Variants in EIF3G observed in about 807,000 individuals in gnomAD.
EIF3G encodes eukaryotic translation initiation factor 3 RNA-binding subunit.
EIF3G carries 10 observed loss-of-function variants against 41.7 expected under a neutral mutation model. That is an observed-to-expected ratio of 0.24 (90% CI 0.15 to 0.41). EIF3G has a LOEUF of 0.41. Ranked by LOEUF, EIF3G falls within the 10% of genes least tolerant of loss-of-function variation. The pLI is 1.00. For missense variants in EIF3G, 297 were observed against 444.0 expected (o/e 0.67, Z 2.98); for synonymous variants, 204 against 172.5 (o/e 1.18, Z -1.43).
rs748692355 is a variant in EIF3G, at chr19:10,119,892, G to T, written c.-33C>A. 3.7e-6 allele frequency: 6 copies of T among 1,614,062 alleles called. No individual in the cohort carries two copies. Among genetic ancestry groups the T allele is most frequent in the Non-Finnish European group, 5.1e-6 (6 of 1,180,040 alleles). On this transcript the variant is annotated 5_prime_UTR_variant, in exon 1 of 11. Coordinates refer to ENST00000253108, the MANE Select transcript of EIF3G (RefSeq NM_003755.5). Reference sequence around the variant, plus strand: ...AGTATTCTCCACGCAGCCCAAGCCCGGCCAGAGAGCGGAAGCGGGCGAAAA... The same window carrying T: ...AGTATTCTCCACGCAGCCCAAGCCCTGCCAGAGAGCGGAAGCGGGCGAAAA...
In EIF3G at chr19:10,115,662, C is replaced by CCGTG. The variant is rs760753735; in HGVS notation, c.840+18_840+21dup. Reference sequence around the variant, plus strand: ...GACAAGTGACCCTCACACAGCCCCACCGTGCCTGCCTGCCTGCCCACCTTG... The same window carrying CCGTG: ...GACAAGTGACCCTCACACAGCCCCACCGTGCGTGCCTGCCTGCCTGCCCACCTTG... On this transcript the variant is annotated intron_variant, in intron 9 of 10. Transcript: ENST00000253108. 82 of 1,589,772 alleles carry CCGTG rather than the reference C, an allele frequency of 5.2e-5. No homozygotes were observed. In the South Asian group the frequency reaches 8.3e-4, roughly 16 times the overall value.
In EIF3G at chr19:10,116,543, A is replaced by T; in HGVS notation, c.595+257T>A. 1 of 520,688 alleles carries T rather than the reference A, an allele frequency of 1.9e-6. No homozygotes were observed. The highest frequency in any genetic ancestry group is 3.4e-5 in the Admixed American group (1 of 29,846). 32.3% of individuals were successfully genotyped at this position (520,688 alleles called of 1,614,324 possible). A position where few individuals can be genotyped will look rare whatever the true frequency, so the allele number is the denominator to read the frequency against. On this transcript the variant is annotated intron_variant, in intron 7 of 10. Transcript: ENST00000253108. This position sits in a 1 kb window ranked among gnomAD's most constrained non-coding sequence, Gnocchi z 4.1. ...GCACACACGATGTGGGGTGGTCAGC[A>T]CCCTGGGGCCGACAGACAGCAGCTC...
Position 10,116,429 on chromosome 19 carries a change from C to T in EIF3G, c.596-355G>A. 2.1e-6 allele frequency: 1 copy of T among 486,432 alleles called. No homozygotes were observed. The highest frequency in any genetic ancestry group is 2.5e-5 in the South Asian group (1 of 39,730). The allele number at this position is 486,432 out of a possible 1,614,324, so 30.1% of individuals were successfully genotyped here. On this transcript the variant is annotated intron_variant, in intron 7 of 10. Transcript: ENST00000253108. This position sits in a 1 kb window ranked among gnomAD's most constrained non-coding sequence, Gnocchi z 4.1. The stretch of plus-strand genomic sequence containing the variant: ...GTGGCAGGCGACAAGTGCACGTCTG[C>T]ACTCTCACACTCGCCACCAGCAAAT...
At chr19:10,117,060 G>A (rs369083840) in intron 6 of EIF3G, 24 bp downstream of exon 6, 1 of 1,609,976 alleles carries the variant, frequency 6.2e-7, no homozygotes, top group African/African-American at 1.3e-5. Context: ...CAGGATGCCA[G>A]CCCCACCTGA....
Position 10,119,223 on chromosome 19 carries a change from C to T in EIF3G, c.68-52G>A. 3 of 1,539,688 alleles carry T rather than the reference C, an allele frequency of 1.9e-6. No individual in the cohort carries two copies. The South Asian group carries it at 3.6e-5, about 18-fold the overall frequency. ...AGTCAGCTCCAGGGGCAGGAGCTCC[C>T]CAGCTGCGATGGAAGGGCTTTTGGG... On this transcript the variant is annotated intron_variant, in intron 2 of 10. Coordinates refer to ENST00000253108, the MANE Select transcript of EIF3G (RefSeq NM_003755.5).
rs943784274 is a variant in EIF3G, at chr19:10,116,290, G to C, written c.596-216C>G. 5.0e-6 allele frequency: 3 copies of C among 595,788 alleles called. No homozygotes were observed. Among genetic ancestry groups the C allele is most frequent in the Non-Finnish European group, 6.0e-6 (2 of 335,580 alleles). The allele number at this position is 595,788 out of a possible 1,614,324, so 36.9% of individuals were successfully genotyped here. A position where few individuals can be genotyped will look rare whatever the true frequency, so the allele number is the denominator to read the frequency against. On this transcript the variant is annotated intron_variant, in intron 7 of 10. Coordinates refer to ENST00000253108, the MANE Select transcript of EIF3G (RefSeq NM_003755.5). The surrounding 1 kb of genome is among the most constrained non-coding windows in gnomAD (Gnocchi z 4.1). ...GACACTGGTGGAGGAGGAGGAGGAG[G>C]AGCCCCGACCCCACCCCAGAGAGGG...
intron 10 of EIF3G, 50 bp from the exon 11 acceptor site, chr19:10,115,179 A>G (rs1398120312): frequency 6.2e-7 from 1 of 1,606,458 alleles, no homozygotes; most frequent in African/African-American, 1.3e-5. Flanking sequence ...GCACCCCAAG[A>G]CCCCAGACAC....
At chr19:10,118,012 A>G (rs2089274101) in intron 5 of EIF3G, 2 of 152,366 alleles carry the variant, frequency 1.3e-5, no homozygotes, top group African/African-American at 4.8e-5. Context: ...TGATCGTGCC[A>G]CTGTACTCCA....
intron 2 of EIF3G, 127 bp downstream of exon 2, chr19:10,119,527 G>T: frequency 7.8e-7 from 1 of 1,280,026 alleles, no homozygotes; most frequent in Non-Finnish European, 1.1e-6. Context: ...CGGGTCCCAA[G>T]GAGGATGGCG....
chr19:10,119,580 G>A, intron 2 of EIF3G, 74 bp downstream of exon 2: 2 of 1,516,552 alleles, frequency 1.3e-6, no homozygotes, highest in South Asian at 1.3e-5. Flanking sequence ...GTGCCAGACT[G>A]GGAGATGGAA....
Position 10,115,343 on chromosome 19 carries a change from A to C in EIF3G, c.947+136T>G, listed in dbSNP as rs530231963. 6.3e-4 allele frequency: 764 copies of C among 1,206,100 alleles called. 3 individuals carry two copies. The Middle Eastern group carries it at 0.014, about 22-fold the overall frequency. The allele number at this position is 1,206,100 out of a possible 1,614,324, so 74.7% of individuals were successfully genotyped here. On this transcript the variant is annotated intron_variant, in intron 10 of 10. Transcript: ENST00000253108. The stretch of plus-strand genomic sequence containing the variant: ...CACCCCTCTGCCCGGTTTTGGAAAA[A>C]AACAATAAAGGACTGTCCCCTCAAA...
Position 10,119,769 on chromosome 19 carries a change from C to A in EIF3G, c.21-69G>T, listed in dbSNP as rs1240906351. On this transcript the variant is annotated intron_variant, in intron 1 of 10. Coordinates refer to ENST00000253108, the MANE Select transcript of EIF3G (RefSeq NM_003755.5). The stretch of plus-strand genomic sequence containing the variant: ...GCCCGGCTCCCGCAGCCTCGGCGTA[C>A]CCAGGCCCCATAATACTTCCCAGAG... 1.9e-6 allele frequency: 3 copies of A among 1,613,882 alleles called. No homozygotes were observed. In the African/African-American group the frequency reaches 4.0e-5, roughly 22 times the overall value.
chr19:10,119,061 AC>A, intron 3 of EIF3G, 26 bp downstream of exon 3: 1 of 524,728 alleles, frequency 1.9e-6, no homozygotes, highest in Non-Finnish European at 2.7e-6. Context: ...GGCAGTCCTC[AC>A]TCACCTCCCG....
chr19:10,115,765 G>T lies in EIF3G; in HGVS notation c.759C>A (p.Thr253=). The change falls in exon 9 of 11, where the codon ACC becomes ACA. Residue 253 remains threonine, a synonymous_variant. Coordinates refer to ENST00000253108, the MANE Select transcript of EIF3G (RefSeq NM_003755.5). ...VTNLSEDTRE[T]DLQELFRPFG... is the part of the protein sequence containing the mutation. ...AAGGCCGGAAGAGCTCCTGCAGGTC[G>T]GTCTCACGCGTGTCCTCTGACAAGT... 1 of 1,614,108 alleles carries T rather than the reference G, an allele frequency of 6.2e-7. No homozygotes were observed. Among genetic ancestry groups the T allele is most frequent in the Non-Finnish European group, 8.5e-7 (1 of 1,180,032 alleles).
rs2089232295 is a variant in EIF3G at position 10,115,674 on chromosome 19, GCC to G, written c.840+8_840+9del. 5.6e-6 allele frequency: 9 copies of G among 1,613,968 alleles called. No individual in the cohort carries two copies. The Admixed American group carries it at 1.2e-4, about 21-fold the overall frequency. On this transcript the variant is annotated splice_region_variant and intron_variant, in intron 9 of 10. Coordinates refer to ENST00000253108, the MANE Select transcript of EIF3G (RefSeq NM_003755.5). ...TCACACAGCCCCACCGTGCCTGCCT[GCC>G]TGCCCACCTTGGATTGGCCAGTGGT... is the stretch of plus-strand genomic sequence containing the variant.
In EIF3G at chr19:10,115,068, C is replaced by G. The variant is rs760709863; in HGVS notation, c.*46G>C. Reference sequence around the variant, plus strand: ...TGGAGCCCGCGCTCTCGGAGGCTGTCTTCTGTCGCCAAGGGTCCCGGACCG... The same window carrying G: ...TGGAGCCCGCGCTCTCGGAGGCTGTGTTCTGTCGCCAAGGGTCCCGGACCG... On this transcript the variant is annotated 3_prime_UTR_variant, in exon 11 of 11. Coordinates refer to ENST00000253108, the MANE Select transcript of EIF3G (RefSeq NM_003755.5). 6.2e-7 allele frequency: 1 copy of G among 1,613,492 alleles called. No individual in the cohort carries two copies. The highest frequency in any genetic ancestry group is 8.5e-7 in the Non-Finnish European group (1 of 1,179,872).
In EIF3G at chr19:10,116,624, T is replaced by C. The variant is rs28495274; in HGVS notation, c.595+176A>G. ...TCACAGCTGCCAAGTCGCACATATA[T>C]GGGAGACGCCCGTCTCCCAACCATA... On this transcript the variant is annotated intron_variant, in intron 7 of 10. Transcript: ENST00000253108. The surrounding 1 kb of genome is among the most constrained non-coding windows in gnomAD (Gnocchi z 4.1). 0.01 allele frequency: 6,574 copies of C among 627,848 alleles called. 291 individuals are homozygous for C. The highest frequency in any genetic ancestry group is 0.098 in the African/African-American group (5,393 of 54,786). The allele number at this position is 627,848 out of a possible 1,614,324, so 38.9% of individuals were successfully genotyped here.
At chr19:10,117,345 T>C (rs935012225) in intron 5 of EIF3G, 157 bp from the exon 6 acceptor site, 5 of 608,818 alleles carry the variant, frequency 8.2e-6, no homozygotes, top group African/African-American at 5.6e-5. Flanking sequence ...CTGGCGACAG[T>C]TGTTTCCTGA....
intron 8 of EIF3G, 32 bp from the exon 9 acceptor site, chr19:10,115,852 G>A (rs1319322343): frequency 6.2e-7 from 1 of 1,607,730 alleles, no homozygotes; most frequent in Admixed American, 1.7e-5. Flanking sequence ...GCTGTGAGGG[G>A]GAGGACACTG....
Sources: gnomAD v4.1 joint callset for allele counts on GRCh38, gnomAD v4.1.1 for gene constraint, Gnocchi (gnomAD v3.1) non-coding constraint, MANE v1.5 for transcripts, NCBI Gene and HGNC (gene_info 2026-07-23, HGNC 2026-07-21) for gene names.